Variants in LYST observed in about 807,000 individuals in gnomAD.
LYST encodes the protein lysosomal-trafficking regulator.
Under a neutral mutation model 413.6 loss-of-function variants are expected in LYST, and 192 were observed. The ratio of observed to expected loss-of-function variants is 0.46; its 90% CI spans 0.41 to 0.52. The LOEUF is 0.52. Ranked by LOEUF, LYST falls within the 20% of genes least tolerant of loss-of-function variation. The pLI is 0.00. For synonymous variants in LYST, 1,525 were observed against 1,567.3 expected (o/e 0.97, Z 0.64); for missense variants, 3,815 against 4,499.9 (o/e 0.85, Z 4.35).
intron 48 of LYST, among the ~76,000 whole-genome samples, chr1:235,682,789 A>G (rs1198541599): frequency 6.6e-6 from 1 of 152,186 alleles, no homozygotes; most frequent in African/African-American, 2.4e-5. Context: ...TAGAAGTTCT[A>G]TTTTATTTTT....
intron 40 of LYST, among the ~76,000 whole-genome samples, chr1:235,718,434 C>A (rs2103150327): frequency 6.6e-6 from 1 of 152,040 alleles, no homozygotes; most frequent in Non-Finnish European, 1.5e-5. Flanking sequence ...CCTCCGCCTC[C>A]CAAGTTCAAG....
At chr1:235,712,643 T>A in intron 42 of LYST, 1 of 985,284 alleles carries the variant, frequency 1.0e-6, no homozygotes, top group Non-Finnish European at 1.2e-6. Flanking sequence ...TCCTTCACTT[T>A]GAATTGTTAA....
chr1:235,744,156 T>G lies in LYST; in HGVS notation c.7974A>C (p.Glu2658Asp), dbSNP rs150974382. 12 of 1,529,036 alleles carry G rather than the reference T, an allele frequency of 7.8e-6. No homozygotes were observed. The highest frequency in any genetic ancestry group is 1.0e-5 in the Non-Finnish European group (11 of 1,102,988). The allele number at this position is 1,529,036 out of a possible 1,614,324, so 94.7% of individuals were successfully genotyped here. Residue 2658 changes from glutamate (E) to aspartate (D), a missense_variant and splice_region_variant, in exon 30 of 53, where the codon GAA becomes GAC. Around this residue, in one of 4 missense-constraint regions of LYST, gnomAD observed 771 missense variants for 837.1 expected, o/e 0.92. Transcript: ENST00000389793. Reference protein sequence around the residue: ...VLAVNRIIYQEFNSDIIDILR... With the variant: ...VLAVNRIIYQDFNSDIIDILR... ...AAATGTCAATAATGTCTGAATTAAA[T>G]TCTTTGAATTGAAAAAAAGAATACA... is the stretch of plus-strand genomic sequence containing the variant.
chr1:235,815,435 ATACT>A (rs113016728), intron 3 of LYST, among the ~76,000 whole-genome samples: 1 of 152,216 alleles, frequency 6.6e-6, no homozygotes, highest in Non-Finnish European at 1.5e-5. Flanking sequence ...ATTTGAGCAG[ATACT>A]TAATTGATGA....
rs114963269 is a variant in LYST, at chr1:235,819,561, T to C, written c.193-6500A>G. ...CCAATGTGCCATATTAGACAATATA[T>C]GCCATGAACAGGTCCATTCCCTGCT... On this transcript the variant is annotated intron_variant, in intron 3 of 52. Coordinates refer to ENST00000389793, the MANE Select transcript of LYST (RefSeq NM_000081.4). 8.0e-3 allele frequency among the ~76,000 whole-genome samples: 1,222 copies of C among 152,328 alleles called. 6 individuals are homozygous for C. Among genetic ancestry groups the C allele is most frequent in the African/African-American group, 0.028 (1,164 of 41,556 alleles).
chr1:235,730,455 C>T (rs1267357117), intron 36 of LYST, among the ~76,000 whole-genome samples: 1 of 151,416 alleles, frequency 6.6e-6, no homozygotes. Flanking sequence ...GCAGCTCTAT[C>T]TATATTAATA....
chr1:235,872,287 TTC>T lies in LYST; in HGVS notation n.454+10898_454+10899del, dbSNP rs1680960345. Among the ~76,000 whole-genome samples, 14 of 110,954 alleles carry T rather than the reference TTC, an allele frequency of 1.3e-4. No homozygotes were observed. In the South Asian group the frequency reaches 4.2e-3, roughly 33 times the overall value. 72.8% of individuals were successfully genotyped at this position (110,954 alleles called of 152,430 possible). On this transcript the variant is annotated intron_variant and non_coding_transcript_variant, in intron 1 of 11. Transcript: ENST00000465349. The stretch of plus-strand genomic sequence containing the variant: ...CTCCAGCCCAGGCAACGGAGTGACA[TTC>T]TGTCTCAAAAAAAAAAAAAAAAAAA...
At position 235,664,203 on chromosome 1, in the gene LYST, A is replaced by G; in HGVS notation, c.11196-148T>C. The G allele has an allele frequency of 5.4e-6, 4 of 733,986 alleles. No individual in the cohort carries two copies. In the East Asian group the frequency reaches 1.0e-4, roughly 19 times the overall value. 45.5% of individuals were successfully genotyped at this position (733,986 alleles called of 1,614,324 possible). A position where few individuals can be genotyped will look rare whatever the true frequency, so the allele number is the denominator to read the frequency against. On this transcript the variant is annotated intron_variant, in intron 51 of 52. Coordinates refer to ENST00000389793, the MANE Select transcript of LYST (RefSeq NM_000081.4). The surrounding 1 kb of genome is among the most constrained non-coding windows in gnomAD (Gnocchi z 4.5). Reference sequence around the variant, plus strand: ...TCCCTCTAGGGAGTTTGCAGGGGGTAGATGTGGGAATAAGAGAACTTTTAA... The same window carrying G: ...TCCCTCTAGGGAGTTTGCAGGGGGTGGATGTGGGAATAAGAGAACTTTTAA...
Position 235,770,327 on chromosome 1 carries a change from C to T in LYST, c.5785-30G>A, listed in dbSNP as rs1420719140. 5 of 1,611,100 alleles carry T rather than the reference C, an allele frequency of 3.1e-6. No homozygotes were observed. The Admixed American group carries it at 8.3e-5, about 27-fold the overall frequency. ...AGAGATAAACACACACCAATAAGCA[C>T]ATACTTACTGAAAAATATGCAGCAT... On this transcript the variant is annotated intron_variant, in intron 19 of 52. Transcript: ENST00000389793.
intron 1 of LYST, chr1:235,839,624 C>CCCG (rs889950296): frequency 6.6e-6 from 1 of 150,856 alleles, no homozygotes; most frequent in African/African-American, 2.5e-5. Flanking sequence ...AGAACCCCCC[C>CCCG]CACCACGCCC....
intron 1 of LYST, among the ~76,000 whole-genome samples, chr1:235,839,076 T>C (rs1271215403): frequency 1.3e-5 from 2 of 152,076 alleles, no homozygotes. Context: ...CCTCCCGCCT[T>C]GACTTCCCAA....
intron 3 of LYST, among the ~76,000 whole-genome samples, chr1:235,825,377 T>A (rs576724747): frequency 2.0e-5 from 3 of 152,092 alleles, no homozygotes; most frequent in South Asian, 2.1e-4. Context: ...ATAAAAGGCA[T>A]ACAAATTGGG....
rs1662457595 is a variant in LYST at position 235,712,253 on chromosome 1, G to A, written c.9785-56C>T. On this transcript the variant is annotated intron_variant, in intron 42 of 52. Coordinates refer to ENST00000389793, the MANE Select transcript of LYST (RefSeq NM_000081.4). ...ACACAAAGACCTAATTCTATTTGAG[G>A]CCTATCATAATTAATTTACTTTTGC... The A allele has an allele frequency of 3.2e-6, 4 of 1,257,934 alleles. No individual in the cohort carries two copies. The Admixed American group carries it at 6.2e-5, about 19-fold the overall frequency. 77.9% of individuals were successfully genotyped at this position (1,257,934 alleles called of 1,614,324 possible). A position where few individuals can be genotyped will look rare whatever the true frequency, so the allele number is the denominator to read the frequency against.
At chr1:235,737,916 A>ATCGGATAT in intron 31 of LYST, 3 of 1,163,406 alleles carry the variant, frequency 2.6e-6, no homozygotes, top group African/African-American at 1.6e-5. Flanking sequence ...GCTGCCGACG[A>ATCGGATAT]GTCTGGATCT....
chr1:235,714,947 AT>A (rs1468134434), intron 42 of LYST, among the ~76,000 whole-genome samples: 1 of 152,226 alleles, frequency 6.6e-6, no homozygotes, highest in Non-Finnish European at 1.5e-5. Context: ...TTATATCTTA[AT>A]TTTTAAAAAG....
chr1:235,719,722 CT>C (rs916740457), intron 40 of LYST, among the ~76,000 whole-genome samples: 41 of 151,634 alleles, frequency 2.7e-4, no homozygotes, highest in African/African-American at 9.5e-4. Flanking sequence ...CTAAGCAAGA[CT>C]TTTCCAGTCT....
At chr1:235,687,568 C>T (rs189379883) in intron 47 of LYST, among the ~76,000 whole-genome samples, 192 of 152,260 alleles carry the variant, frequency 1.3e-3, no homozygotes, top group Admixed American at 3.7e-3. Context: ...GCCTTTGGTA[C>T]AAAATCCCTC....
intron 3 of LYST, among the ~76,000 whole-genome samples, chr1:235,813,964 TA>T (rs1056950304): frequency 1.9e-4 from 29 of 152,206 alleles, no homozygotes; most frequent in Admixed American, 5.2e-4. Context: ...AGAGGCAGGG[TA>T]ACAATAATCC....
chr1:235,766,127 T>C lies in LYST; in HGVS notation c.6073A>G (p.Thr2025Ala). The C allele has an allele frequency of 6.2e-7, 1 of 1,613,590 alleles. No individual in the cohort carries two copies. Among genetic ancestry groups the C allele is most frequent in the Non-Finnish European group, 8.5e-7 (1 of 1,179,590 alleles). ...TTCGTGGGATTGTGACAAACGTAAG[T>C]ATTAGTAGGAGGGTGAACTGCTAAA... The part of the protein sequence containing the change: ...FLLAVHPPTN[T>A]YVCHNPTNFY... Residue 2025 changes from threonine (T) to alanine (A), a missense_variant, in exon 21 of 53, where the codon ACT becomes GCT. Physicochemically the swap from Thr to Ala is moderately conservative, Grantham distance 58. Coordinates refer to ENST00000389793, the MANE Select transcript of LYST (RefSeq NM_000081.4).
Sources: gnomAD v4.1 joint callset for allele counts (sites outside exome capture counted in the v4.1 genomes callset) on GRCh38, gnomAD v4.1.1 for gene constraint, gnomAD v4.1.1 regional missense constraint, Gnocchi (gnomAD v3.1) non-coding constraint, MANE v1.5 for transcripts, NCBI Gene and HGNC (gene_info 2026-07-23, HGNC 2026-07-21) for gene names.